TRPC4: variants seen among roughly 807,000 people sequenced by gnomAD.
TRPC4 encodes transient receptor potential cation channel subfamily C member 4.
TRPC4 carries 49 observed loss-of-function variants against 99.4 expected under a neutral mutation model. The observed-to-expected ratio is 0.49, with a 90% CI of 0.39 to 0.63. The LOEUF (loss-of-function observed/expected upper bound fraction) is 0.63, where lower values mean the gene tolerates loss of function less well. Ranked by LOEUF, TRPC4 falls within the 20% of genes least tolerant of loss-of-function variation. The pLI, the probability that TRPC4 is intolerant of heterozygous loss-of-function variation, is 0.00. For synonymous variants in TRPC4, 454 were observed against 425.9 expected (o/e 1.07, Z -0.81); for missense variants, 898 against 1,152.9 (o/e 0.78, Z 3.20).
At chr13:37,843,636 T>C (rs920889760) in intron 1 of TRPC4, among the ~76,000 whole-genome samples, 6 of 152,104 alleles carry the variant, frequency 3.9e-5, no homozygotes, top group African/African-American at 1.4e-4. Context: ...CCTGAGGGTG[T>C]CCAGGTATAG....
At position 37,771,558 on chromosome 13, in the gene TRPC4, A is replaced by AGTGTGTGT. The variant is rs34539317; in HGVS notation, c.378+11390_378+11397dup. Among the ~76,000 whole-genome samples, 8 of 147,502 alleles carry AGTGTGTGT rather than the reference A, an allele frequency of 5.4e-5. No individual in the cohort carries two copies. In the East Asian group the frequency reaches 1.0e-3, roughly 19 times the overall value. On this transcript the variant is annotated intron_variant, in intron 2 of 10. Transcript: ENST00000379705. ...TTTTTATGAAGGTATAGTGTGCATG[A>AGTGTGTGT]GTGTGTGTGTGTGTGTGTGTGTGTG... is the stretch of plus-strand genomic sequence containing the variant.
intron 3 of TRPC4, among the ~76,000 whole-genome samples, chr13:37,714,807 A>T (rs1954607269): frequency 6.6e-6 from 1 of 151,902 alleles, no homozygotes; most frequent in Non-Finnish European, 1.5e-5. Flanking sequence ...ACATTGCTCC[A>T]TATATCCTTC....
At chr13:37,756,056 G>T (rs1163388738) in intron 2 of TRPC4, among the ~76,000 whole-genome samples, 1 of 151,932 alleles carries the variant, frequency 6.6e-6, no homozygotes, top group Non-Finnish European at 1.5e-5. Context: ...ATCAACACAA[G>T]AAATTTCAAC....
intron 2 of TRPC4, among the ~76,000 whole-genome samples, chr13:37,781,346 G>C (rs1355757022): frequency 6.6e-6 from 1 of 152,036 alleles, no homozygotes; most frequent in African/African-American, 2.4e-5. Flanking sequence ...TAAAATAAGA[G>C]AGTGTACAAT....
intron 1 of TRPC4, among the ~76,000 whole-genome samples, chr13:37,866,431 T>G (rs1415601): frequency 0.71 from 107,184 of 151,500 alleles, 38,029 homozygotes; most frequent in Admixed American, 0.75. Flanking sequence ...GGGTCACTTA[T>G]ATTTTTTAAA....
At chr13:37,739,272 T>C (rs967078635) in intron 3 of TRPC4, among the ~76,000 whole-genome samples, 1 of 152,002 alleles carries the variant, frequency 6.6e-6, no homozygotes, top group African/African-American at 2.4e-5. Flanking sequence ...AGAAGAAGCA[T>C]AAGGGAAAAG....
rs114851105 is a variant in TRPC4 at position 37,849,436 on chromosome 13, G to T, written c.-28+20159C>A. Among the ~76,000 whole-genome samples, 383 of 152,244 alleles carry T rather than the reference G, an allele frequency of 2.5e-3. 1 individual carries two copies. Among genetic ancestry groups the T allele is most frequent in the African/African-American group, 9.0e-3 (373 of 41,530 alleles). ...TCCTTCCCATGGTGGTAGATGTAGT[G>T]TTGAGGAACAAAGTCAAAACCAAGT... On this transcript the variant is annotated intron_variant, in intron 1 of 10. Transcript: ENST00000379705.
intron 1 of TRPC4, among the ~76,000 whole-genome samples, chr13:37,789,427 A>G (rs2139379666): frequency 6.6e-6 from 1 of 152,258 alleles, no homozygotes; most frequent in Admixed American, 6.5e-5. Flanking sequence ...CATCTTTATA[A>G]ACCCTGTGGA....
At chr13:37,786,237 A>G (rs1285173551) in intron 1 of TRPC4, among the ~76,000 whole-genome samples, 1 of 151,856 alleles carries the variant, frequency 6.6e-6, no homozygotes, top group Non-Finnish European at 1.5e-5. Flanking sequence ...TAGATTTAAT[A>G]AATAAAATTT....
chr13:37,717,874 A>G (rs1325447566), intron 3 of TRPC4, among the ~76,000 whole-genome samples: 2 of 152,164 alleles, frequency 1.3e-5, no homozygotes, highest in Non-Finnish European at 2.9e-5. Flanking sequence ...ATGAAAAACT[A>G]ACCTTTAATT....
At position 37,862,348 on chromosome 13, in the gene TRPC4, C is replaced by T. The variant is rs530544337; in HGVS notation, c.-28+7247G>A. Among the ~76,000 whole-genome samples the T allele has an allele frequency of 2.0e-5, 3 of 151,598 alleles. No individual in the cohort carries two copies. In the South Asian group the frequency reaches 6.2e-4, roughly 31 times the overall value. On this transcript the variant is annotated intron_variant, in intron 1 of 10. Transcript: ENST00000379705. ...CAACTTACCTCTTACAATACATAGC[C>T]TGTGAATGGTAATTTGGTAATATCT...
At chr13:37,774,452 A>T (rs1361595512) in intron 2 of TRPC4, among the ~76,000 whole-genome samples, 2 of 151,636 alleles carry the variant, frequency 1.3e-5, no homozygotes, top group Admixed American at 1.3e-4. Flanking sequence ...AAATAAGAAC[A>T]CTCTTTTTAG....
At chr13:37,775,902 C>G (rs895292497) in intron 2 of TRPC4, among the ~76,000 whole-genome samples, 1 of 151,470 alleles carries the variant, frequency 6.6e-6, no homozygotes, top group Non-Finnish European at 1.5e-5. Flanking sequence ...GAGGAAAAAG[C>G]AACAGAACAT....
chr13:37,692,488 G>A (rs995386317), intron 3 of TRPC4, among the ~76,000 whole-genome samples, 153 bp from the exon 4 acceptor site: 5 of 152,176 alleles, frequency 3.3e-5, no homozygotes, highest in African/African-American at 1.2e-4. Context: ...AAGTCATTCT[G>A]TGAATAAAGC....
intron 3 of TRPC4, among the ~76,000 whole-genome samples, chr13:37,721,689 A>G (rs1954874609): frequency 6.6e-6 from 1 of 152,148 alleles, no homozygotes; most frequent in Non-Finnish European, 1.5e-5. Flanking sequence ...TAGAATACAG[A>G]CTTTTCCAGT....
At chr13:37,643,102 T>C (rs983391137) in intron 8 of TRPC4, among the ~76,000 whole-genome samples, 3 of 152,182 alleles carry the variant, frequency 2.0e-5, no homozygotes, top group Non-Finnish European at 2.9e-5. Flanking sequence ...CTTTGCCTCC[T>C]ATCTGAGTCC....
chr13:37,698,354 G>C (rs1036801789), intron 3 of TRPC4, among the ~76,000 whole-genome samples: 1 of 150,516 alleles, frequency 6.6e-6, no homozygotes, highest in Non-Finnish European at 1.5e-5. Context: ...GTAGAGTCAG[G>C]GTTTCACTGT....
chr13:37,758,258 A>G (rs991296351), intron 2 of TRPC4, among the ~76,000 whole-genome samples: 4 of 151,890 alleles, frequency 2.6e-5, no homozygotes, highest in African/African-American at 7.2e-5. Context: ...TGGTAAGGAC[A>G]CCACTAAAAT....
At chr13:37,841,534 A>C (rs1958729800) in intron 1 of TRPC4, among the ~76,000 whole-genome samples, 1 of 151,844 alleles carries the variant, frequency 6.6e-6, no homozygotes, top group African/African-American at 2.4e-5. Flanking sequence ...TGCATAAAGA[A>C]ATATAAAACT....
Sources: allele counts gnomAD v4.1 joint callset (sites outside exome capture counted in the v4.1 genomes callset), GRCh38; gene constraint gnomAD v4.1.1; transcripts MANE v1.5; gene names NCBI Gene and HGNC (gene_info 2026-07-23, HGNC 2026-07-21).